The following OTOGL variants were observed in gnomAD, a reference collection of about 807,000 sequenced individuals.
OTOGL encodes the protein otogelin-like protein.
In OTOGL, 285 loss-of-function variants were observed where a neutral mutation model predicts 318.5. The observed-to-expected ratio is 0.89, with a 90% CI of 0.81 to 0.99. The LOEUF is 0.99. Ranked by LOEUF, OTOGL falls within the 50% of genes least tolerant of loss-of-function variation. The pLI is 0.00. For missense variants in OTOGL, 2,899 were observed against 2,845.6 expected, an observed-to-expected ratio of 1.02 and a Z score of -0.43; for synonymous variants, 987 against 936.5, an observed-to-expected ratio of 1.05 and a Z score of -0.99.
At chr12:80,153,350 G>A (rs901053770) in intron 1 of OTOGL, among the ~76,000 whole-genome samples, 51 of 152,160 alleles carry the variant, frequency 3.4e-4, no homozygotes, top group African/African-American at 1.2e-3. Flanking sequence ...AAGGGTTCCA[G>A]CCTCATGACC....
chr12:80,107,468 C>T (rs143188621), intron 1 of OTOGL, among the ~76,000 whole-genome samples: 92 of 152,108 alleles, frequency 6.0e-4, no homozygotes, highest in African/African-American at 2.1e-3. Flanking sequence ...AGTGAGGTTG[C>T]GGAGAAGAGG....
intron 1 of OTOGL, among the ~76,000 whole-genome samples, chr12:80,108,836 G>GCA (rs1555268607): frequency 1.2e-5 from 1 of 83,740 alleles, no homozygotes; most frequent in Non-Finnish European, 2.3e-5. Context: ...TATATATATT[G>GCA]TATATATATG....
chr12:80,368,333 T>C (rs778524913), intron 55 of OTOGL, 24 bp downstream of exon 55: 1 of 1,522,262 alleles, frequency 6.6e-7, no homozygotes, highest in African/African-American at 1.4e-5. Flanking sequence ...AGAGTAATGC[T>C]CTGTGCTATT....
chr12:80,194,921 T>G (rs1592535031), intron 1 of OTOGL, among the ~76,000 whole-genome samples: 1 of 152,276 alleles, frequency 6.6e-6, no homozygotes, highest in African/African-American at 2.4e-5. Flanking sequence ...TCTTTACAAT[T>G]TTTTTCCCTT....
intron 1 of OTOGL, among the ~76,000 whole-genome samples, chr12:80,132,272 T>C (rs558336764): frequency 6.6e-6 from 1 of 152,368 alleles, no homozygotes; most frequent in South Asian, 2.1e-4. Context: ...AAACTTTATT[T>C]GTATTTTTTA....
chr12:80,258,960 A>G (rs965710448), intron 18 of OTOGL, among the ~76,000 whole-genome samples: 1 of 152,070 alleles, frequency 6.6e-6, no homozygotes, highest in African/African-American at 2.4e-5. Context: ...AGTAGATATT[A>G]AAAGTTCTCA....
chr12:80,177,123 G>T (rs1018988136), intron 1 of OTOGL, among the ~76,000 whole-genome samples: 1 of 152,036 alleles, frequency 6.6e-6, no homozygotes, highest in Non-Finnish European at 1.5e-5. Context: ...TCCTCTCAAT[G>T]TTAAAGAGTA....
chr12:80,334,167 G>T (rs1006088006), intron 38 of OTOGL, among the ~76,000 whole-genome samples: 6 of 152,246 alleles, frequency 3.9e-5, no homozygotes, highest in African/African-American at 4.8e-5. Flanking sequence ...CTATCACCTG[G>T]TTCAGGTGAT....
In OTOGL at chr12:80,233,096, A is replaced by G. The variant is rs772509606; in HGVS notation, c.816A>G (p.Gln272=). Residue 272 remains glutamine (Q), a splice_region_variant and synonymous_variant, in exon 9 of 59, where the codon CAA becomes CAG. Transcript: ENST00000547103. Reference sequence around the variant, plus strand: ...AATCTGATGATTTCATAATTCTGCAAGGTAAGTGAAGCAGAATAAATGTGT... The same window carrying G: ...AATCTGATGATTTCATAATTCTGCAGGGTAAGTGAAGCAGAATAAATGTGT... The part of the protein sequence containing the change: ...DIQSDDFIIL[Q]EDYTEDIAMF... 1.4e-5 allele frequency: 22 copies of G among 1,585,066 alleles called. No homozygotes were observed. The East Asian group carries it at 3.8e-4, about 27-fold the overall frequency.
chr12:80,218,464 A>G (rs892863554), intron 5 of OTOGL, among the ~76,000 whole-genome samples: 1 of 152,226 alleles, frequency 6.6e-6, no homozygotes. Context: ...GATCAATTAT[A>G]TAACTATCTT....
intron 40 of OTOGL, 39 bp from the exon 41 acceptor site, chr12:80,336,758 A>C (rs560931061): frequency 6.8e-7 from 1 of 1,481,394 alleles, no homozygotes; most frequent in East Asian, 2.5e-5. Context: ...TTAAAAAGTC[A>C]AATAATGCAT....
chr12:80,105,860 C>G (rs978797121), intron 1 of OTOGL, among the ~76,000 whole-genome samples: 1 of 152,138 alleles, frequency 6.6e-6, no homozygotes, highest in Non-Finnish European at 1.5e-5. Flanking sequence ...CTGTCAATAC[C>G]TGACAGTGTA....
intron 1 of OTOGL, among the ~76,000 whole-genome samples, chr12:80,154,663 G>T (rs1025731340): frequency 1.3e-5 from 2 of 152,052 alleles, no homozygotes; most frequent in African/African-American, 4.8e-5. Flanking sequence ...CCATTGTCTG[G>T]ATATACTATA....
chr12:80,309,242 A>G (rs1237810939), intron 29 of OTOGL, among the ~76,000 whole-genome samples: 1 of 152,178 alleles, frequency 6.6e-6, no homozygotes, highest in Non-Finnish European at 1.5e-5. Flanking sequence ...AGAGGTGGAA[A>G]ATTTCGAGGT....
rs546093754 is a variant in OTOGL at position 80,112,705 on chromosome 12, C to CTTTT, written c.-20+13103_-20+13104insTTTT. Among the ~76,000 whole-genome samples the CTTTT allele has an allele frequency of 5.5e-4, 71 of 128,614 alleles. 2 individuals are homozygous for CTTTT. The highest frequency in any genetic ancestry group is 8.8e-4 in the East Asian group (4 of 4,556). The allele number at this position is 128,614 out of a possible 152,430, so 84.4% of individuals were successfully genotyped here. ...ATTAGGGATATTTGCCTGAAATTTTCTTTCTTTTTTTTTTTTTTGTTGTGT... is the reference window on the plus strand; with the variant it reads ...ATTAGGGATATTTGCCTGAAATTTTCTTTTTTTCTTTTTTTTTTTTTTGTTGTGT... On this transcript the variant is annotated intron_variant, in intron 1 of 58. Transcript: ENST00000547103.
intron 1 of OTOGL, among the ~76,000 whole-genome samples, chr12:80,120,670 G>C (rs1870435966): frequency 6.6e-6 from 1 of 152,172 alleles, no homozygotes; most frequent in South Asian, 2.1e-4. Context: ...TGCTACACAA[G>C]AGAAGTTTTA....
At chr12:80,304,627 G>C (rs2137747941) in intron 28 of OTOGL, among the ~76,000 whole-genome samples, 1 of 152,226 alleles carries the variant, frequency 6.6e-6, no homozygotes, top group African/African-American at 2.4e-5. Flanking sequence ...TCTATTCTTA[G>C]GTTTGTTGGC....
chr12:80,312,306 A>G (rs1328188707), intron 30 of OTOGL, among the ~76,000 whole-genome samples: 1 of 152,238 alleles, frequency 6.6e-6, no homozygotes, highest in Non-Finnish European at 1.5e-5. Flanking sequence ...AGAATCCCCC[A>G]GTGTGCTATT....
chr12:80,231,194 A>C (rs912535991), intron 8 of OTOGL, among the ~76,000 whole-genome samples: 1 of 152,194 alleles, frequency 6.6e-6, no homozygotes, highest in Non-Finnish European at 1.5e-5. Flanking sequence ...TAGTTTTTAT[A>C]AACTTAGAAA....
Sources: gnomAD v4.1 joint callset for allele counts (sites outside exome capture counted in the v4.1 genomes callset) on GRCh38, gnomAD v4.1.1 for gene constraint, MANE v1.5 for transcripts, NCBI Gene and HGNC (gene_info 2026-07-23, HGNC 2026-07-21) for gene names.